Variants in EME2 observed in about 807,000 individuals in gnomAD.
The protein encoded by EME2 is essential meiotic structure-specific endonuclease subunit 2.
A neutral mutation model predicts 41.9 loss-of-function variants in EME2; 58 were observed. The observed-to-expected ratio is 1.38, with a 90% CI of 1.12 to 1.72. The LOEUF is 1.72. Among genes scored for constraint, EME2 ranks in the 40% most tolerant of loss-of-function variants. The probability of loss-of-function intolerance (pLI) is 0.00; values close to 1 mark genes in which losing one functional copy is unlikely to be tolerated. For missense variants in EME2, 695 were observed against 541.9 expected, an observed-to-expected ratio of 1.28 and a Z score of -2.81; for synonymous variants, 334 against 239.3, an observed-to-expected ratio of 1.40 and a Z score of -3.65.
Position 1,778,839 on chromosome 16 carries a change from G to C in EME2, c.*2601G>C, listed in dbSNP as rs2042753373. On this transcript the variant is annotated 3_prime_UTR_variant, in exon 8 of 8. Coordinates refer to ENST00000568449, the MANE Select transcript of EME2 (RefSeq NM_001257370.2). ...GGAGGGCCCTGGAGGCCCAGCCACA[G>C]AGCAGTAGCCAAGGCTGCCTGGCCT... is the stretch of plus-strand genomic sequence containing the variant. 8.7e-6 allele frequency: 4 copies of C among 461,840 alleles called. No homozygotes were observed. The highest frequency in any genetic ancestry group is 1.1e-5 in the Non-Finnish European group (3 of 264,318). The allele number at this position is 461,840 out of a possible 1,614,324, so 28.6% of individuals were successfully genotyped here.
At position 1,775,100 on chromosome 16, in the gene EME2, CCTGG is replaced by C. The variant is rs775177346; in HGVS notation, c.541_544del (p.Ala181SerfsTer62). The C allele has an allele frequency of 1.9e-4, 301 of 1,611,766 alleles. 1 individual carries two copies. The highest frequency in any genetic ancestry group is 2.4e-4 in the Non-Finnish European group (288 of 1,179,998). On this transcript the variant is annotated frameshift_variant, in exon 4 of 8. Transcript: ENST00000568449. LOFTEE classifies it high-confidence loss of function. ...CCCCCGAGACCACCGCCCGGCCCCA[CCTGG>C]CTGTCATCGGGCTGGATGCCTACCT...
intron 4 of EME2, 50 bp from the exon 5 acceptor site, chr16:1,775,265 G>A (rs1168079485): frequency 6.2e-7 from 1 of 1,603,326 alleles, no homozygotes; most frequent in Admixed American, 1.7e-5. Context: ...GCCAAGCTCG[G>A]GCAGGGCAGG....
rs2042756722 is a variant in EME2 at position 1,779,114 on chromosome 16, G to A, written c.*2876G>A. 1 of 154,330 alleles carries A rather than the reference G, an allele frequency of 6.5e-6. No homozygotes were observed. 9.6% of individuals were successfully genotyped at this position (154,330 alleles called of 1,614,324 possible). ...GTCCTACTGCCCAGTGCCCACTACA[G>A]GCCCCGCCCCTCCTGGTGCAGGTTT... On this transcript the variant is annotated 3_prime_UTR_variant, in exon 8 of 8. Transcript: ENST00000568449.
intron 3 of EME2, chr16:1,774,836 C>T (rs534421940): frequency 6.3e-6 from 4 of 637,956 alleles, no homozygotes; most frequent in East Asian, 2.6e-5. Flanking sequence ...GCCCGAGCAG[C>T]CACTCCAGGG....
intron 3 of EME2, 64 bp downstream of exon 3, chr16:1,774,416 C>A: frequency 7.3e-7 from 1 of 1,366,750 alleles, no homozygotes; most frequent in East Asian, 2.3e-5. Flanking sequence ...CCGGGAGGCG[C>A]CTGCTCCGCC....
At position 1,776,515 on chromosome 16, in the gene EME2, C is replaced by A. The variant is rs924639366; in HGVS notation, c.*277C>A. ...CCTCAGCAGCAGGGCTGTGCCCCCC[C>A]AACACACACACACACTCGGCAGGGA... is the stretch of plus-strand genomic sequence containing the variant. On this transcript the variant is annotated 3_prime_UTR_variant, in exon 8 of 8. Transcript: ENST00000568449. The A allele has an allele frequency of 3.6e-5, 16 of 448,548 alleles. No individual in the cohort carries two copies. Among genetic ancestry groups the A allele is most frequent in the Non-Finnish European group, 5.6e-5 (14 of 251,642 alleles). The allele number at this position is 448,548 out of a possible 1,614,324, so 27.8% of individuals were successfully genotyped here. A position where few individuals can be genotyped will look rare whatever the true frequency, so the allele number is the denominator to read the frequency against.
In EME2 at chr16:1,781,677, AC is replaced by A. The variant is rs1444398790; in HGVS notation, c.*5442del. On this transcript the variant is annotated 3_prime_UTR_variant, in exon 8 of 8. Transcript: ENST00000568449. ...TCCAGGATCTGAGCAGCTCAATAAA[AC>A]CCAGGTAGATCCTGTGAAACGCCAC... is the stretch of plus-strand genomic sequence containing the variant. The A allele has an allele frequency of 4.9e-6, 3 of 610,602 alleles. No individual in the cohort carries two copies. The highest frequency in any genetic ancestry group is 8.5e-6 in the Non-Finnish European group (3 of 351,512). The allele number at this position is 610,602 out of a possible 1,614,324, so 37.8% of individuals were successfully genotyped here. A position where few individuals can be genotyped will look rare whatever the true frequency, so the allele number is the denominator to read the frequency against.
rs1463212082 is a variant in EME2, at chr16:1,776,912, A to G, written c.*674A>G. The G allele has an allele frequency of 1.5e-6, 1 of 680,404 alleles. No homozygotes were observed. The highest frequency in any genetic ancestry group is 1.8e-5 in the African/African-American group (1 of 55,160). The allele number at this position is 680,404 out of a possible 1,614,324, so 42.1% of individuals were successfully genotyped here. On this transcript the variant is annotated 3_prime_UTR_variant, in exon 8 of 8. Coordinates refer to ENST00000568449, the MANE Select transcript of EME2 (RefSeq NM_001257370.2). ...CAGCCGCTTCCCCACCCAGCACAGC[A>G]GCAGAGGGGCCCTAGAGCCCCCACA... is the stretch of plus-strand genomic sequence containing the variant.
Position 1,772,906 on chromosome 16 carries a change from G to T in EME2, c.-322G>T. 1 of 1,450,264 alleles carries T rather than the reference G, an allele frequency of 6.9e-7. No homozygotes were observed. 89.8% of individuals were successfully genotyped at this position (1,450,264 alleles called of 1,614,324 possible). On this transcript the variant is annotated 5_prime_UTR_variant, in exon 1 of 8. Coordinates refer to ENST00000568449, the MANE Select transcript of EME2 (RefSeq NM_001257370.2). ...ACCAGGCGGCCCAGGCCGAAGAGCG[G>T]GAGGCGGCCGAGCAGCTGCAAGAGG...
rs1347634337 is a variant in EME2, at chr16:1,775,124, C to T, written c.561C>T (p.Ala187=). Residue 187 remains alanine (A), a synonymous_variant, in exon 4 of 8, where the codon GCC becomes GCT. Transcript: ENST00000568449. ...RPHLAVIGLD[A]YLWSRQHVSR... ...ACCTGGCTGTCATCGGGCTGGATGC[C>T]TACCTGTGGTACCGCTCACTCTCAT... is the stretch of plus-strand genomic sequence containing the variant. 12 of 1,612,022 alleles carry T rather than the reference C, an allele frequency of 7.4e-6. No individual in the cohort carries two copies. The highest frequency in any genetic ancestry group is 1.0e-5 in the Non-Finnish European group (12 of 1,179,950).
rs145701138 is a variant in EME2 at position 1,780,139 on chromosome 16, G to A, written c.*3901G>A. 7.1e-3 allele frequency: 1,087 copies of A among 152,346 alleles called. 14 individuals carry two copies. The highest frequency in any genetic ancestry group is 0.016 in the African/African-American group (647 of 41,528). The allele number at this position is 152,346 out of a possible 1,614,324, so 9.4% of individuals were successfully genotyped here. On this transcript the variant is annotated 3_prime_UTR_variant, in exon 8 of 8. Transcript: ENST00000568449. ...ACAAGCAGCCGCCCCGGAAGGACACGGCCCATGGTGACAGAGGACAAGCAG... is the reference window on the plus strand; with the variant it reads ...ACAAGCAGCCGCCCCGGAAGGACACAGCCCATGGTGACAGAGGACAAGCAG...
chr16:1,777,384 C>A lies in EME2; in HGVS notation c.*1146C>A. Reference sequence around the variant, plus strand: ...CGGGTGACCTTCATGCTGCTCCGGGCCGCCGTGGAGCACACCATCGGGTAG... The same window carrying A: ...CGGGTGACCTTCATGCTGCTCCGGGACGCCGTGGAGCACACCATCGGGTAG... On this transcript the variant is annotated 3_prime_UTR_variant, in exon 8 of 8. Coordinates refer to ENST00000568449, the MANE Select transcript of EME2 (RefSeq NM_001257370.2). 6.3e-7 allele frequency: 1 copy of A among 1,595,826 alleles called. No homozygotes were observed.
chr16:1,774,122 T>G (rs2042674100), intron 2 of EME2, 138 bp from the exon 3 acceptor site: 2 of 805,486 alleles, frequency 2.5e-6, no homozygotes, highest in African/African-American at 3.4e-5. Context: ...AAGGGAACAC[T>G]GGGCTTCTGT....
Position 1,781,205 on chromosome 16 carries a change from A to G in EME2, c.*4967A>G. ...TAAAGAGTCTTACTGAATGCGGTGC[A>G]TCCAGGAGACAGGCCCAGGTTTGGA... On this transcript the variant is annotated 3_prime_UTR_variant, in exon 8 of 8. Coordinates refer to ENST00000568449, the MANE Select transcript of EME2 (RefSeq NM_001257370.2). The G allele has an allele frequency of 6.4e-7, 1 of 1,563,504 alleles. No homozygotes were observed. The highest frequency in any genetic ancestry group is 8.6e-7 in the Non-Finnish European group (1 of 1,161,408).
In EME2 at chr16:1,776,986, G is replaced by A. The variant is rs545029850; in HGVS notation, c.*748G>A. 4.9e-5 allele frequency: 62 copies of A among 1,271,038 alleles called. 1 individual carries two copies. The South Asian group carries it at 8.0e-4, about 16-fold the overall frequency. The allele number at this position is 1,271,038 out of a possible 1,614,324, so 78.7% of individuals were successfully genotyped here. A position where few individuals can be genotyped will look rare whatever the true frequency, so the allele number is the denominator to read the frequency against. On this transcript the variant is annotated 3_prime_UTR_variant, in exon 8 of 8. Transcript: ENST00000568449. ...AGCAAGAGATGGCTCCCTCCGGACG[G>A]GCCTCATCCAACTCCGCCCTGGAGT...
At position 1,773,011 on chromosome 16, in the gene EME2, C is replaced by A. The variant is rs892494470; in HGVS notation, c.-217C>A. 6.2e-6 allele frequency: 9 copies of A among 1,457,956 alleles called. No individual in the cohort carries two copies. In the Admixed American group the frequency reaches 1.9e-4, roughly 30 times the overall value. The allele number at this position is 1,457,956 out of a possible 1,614,324, so 90.3% of individuals were successfully genotyped here. A position where few individuals can be genotyped will look rare whatever the true frequency, so the allele number is the denominator to read the frequency against. ...AACGGCCGCGTCAAGGTCTCGTAGT[C>A]CACCGCGTAGAGCTGGGAGTCGCGC... On this transcript the variant is annotated 5_prime_UTR_variant, in exon 1 of 8. Coordinates refer to ENST00000568449, the MANE Select transcript of EME2 (RefSeq NM_001257370.2).
rs777311260 is a variant in EME2 at position 1,774,249 on chromosome 16, T to C, written c.385-11T>C. ...TGAGACAGGCAGCAGCGCGTCCCCA[T>C]GTCCCCACAGCTGCCTCCTGAAGTG... is the stretch of plus-strand genomic sequence containing the variant. On this transcript the variant is annotated splice_polypyrimidine_tract_variant and intron_variant, in intron 2 of 7. Coordinates refer to ENST00000568449, the MANE Select transcript of EME2 (RefSeq NM_001257370.2). 5 of 1,610,958 alleles carry C rather than the reference T, an allele frequency of 3.1e-6. No homozygotes were observed. In the South Asian group the frequency reaches 3.3e-5, roughly 11 times the overall value.
In EME2 at chr16:1,779,363, G is replaced by C. The variant is rs996484973; in HGVS notation, c.*3125G>C. On this transcript the variant is annotated 3_prime_UTR_variant, in exon 8 of 8. Coordinates refer to ENST00000568449, the MANE Select transcript of EME2 (RefSeq NM_001257370.2). ...AGGGGGTCAGCAGGGAGAGTGCTAA[G>C]TGGTGGCGGGGGGCCTGTGGCAGAG... 6.5e-6 allele frequency: 1 copy of C among 152,716 alleles called. No individual in the cohort carries two copies. Among genetic ancestry groups the C allele is most frequent in the Non-Finnish European group, 1.5e-5 (1 of 68,418 alleles). The allele number at this position is 152,716 out of a possible 1,614,324, so 9.5% of individuals were successfully genotyped here.
At position 1,777,063 on chromosome 16, in the gene EME2, C is replaced by G. The variant is rs200577189; in HGVS notation, c.*825C>G. ...GAAGGGACAGAGGAAAGGGGCTGTC[C>G]CAGCCCAAGAAGGCAGTTCCACTGG... On this transcript the variant is annotated 3_prime_UTR_variant, in exon 8 of 8. Transcript: ENST00000568449. 1.5e-4 allele frequency: 239 copies of G among 1,592,670 alleles called. No homozygotes were observed. In the African/African-American group the frequency reaches 2.8e-3, roughly 19 times the overall value.
Sources: allele counts gnomAD v4.1 joint callset, GRCh38; gene constraint gnomAD v4.1.1; transcripts MANE v1.5; gene names NCBI Gene and HGNC (gene_info 2026-07-23, HGNC 2026-07-21).